The following BPTF variants were observed in gnomAD, a reference collection of about 807,000 sequenced individuals.
The protein encoded by BPTF is bromodomain PHD finger transcription factor, also known as nucleosome-remodeling factor subunit BPTF.
BPTF carries 18 observed loss-of-function variants against 292.5 expected under a neutral mutation model. The ratio of observed to expected loss-of-function variants is 0.06; its 90% confidence interval spans 0.04 to 0.09. BPTF has a LOEUF of 0.09. BPTF is among the 10% of genes least tolerant of loss of function. The pLI is 1.00. For synonymous variants in BPTF, 1,225 were observed against 1,251.9 expected (o/e 0.98, Z 0.45); for missense variants, 2,726 against 3,498.7 (o/e 0.78, Z 5.57).
chr17:67,976,697 A>ATT lies in BPTF; in HGVS notation c.8726+739_8726+740insTT, dbSNP rs369829617. 5.5e-5 allele frequency among the ~76,000 whole-genome samples: 7 copies of ATT among 128,434 alleles called. 1 individual carries two copies. Among genetic ancestry groups the ATT allele is most frequent in the East Asian group, 2.8e-4 (1 of 3,628 alleles). The allele number at this position is 128,434 out of a possible 152,430, so 84.3% of individuals were successfully genotyped here. ...TGAGACCCTGTCTCAAAAAAAAAAA[A>ATT]AAAAAAAAAAAAAAAAAATAAGAAT... On this transcript the variant is annotated intron_variant, in intron 27 of 27. Coordinates refer to ENST00000306378, the MANE Select transcript of BPTF (RefSeq NM_182641.4).
chr17:67,886,996 G>C (rs1367567293), intron 4 of BPTF, among the ~76,000 whole-genome samples: 2 of 152,098 alleles, frequency 1.3e-5, no homozygotes. Context: ...TGGCAGTATA[G>C]AAACAGTAAG....
intron 12 of BPTF, among the ~76,000 whole-genome samples, chr17:67,919,679 A>G (rs1041077727): frequency 5.3e-5 from 8 of 152,214 alleles, no homozygotes; most frequent in African/African-American, 1.9e-4. Flanking sequence ...AAAGATATTT[A>G]TGATTGTTTA....
At chr17:67,976,078 AAAAAT>A (rs1192300048) in intron 27 of BPTF, 120 bp downstream of exon 27, 15 of 733,152 alleles carry the variant, frequency 2.0e-5, no homozygotes, top group East Asian at 3.1e-5. Context: ...TCTTTAAAAA[AAAAAT>A]AAATAAATCA....
At chr17:67,873,333 C>T (rs1191327308) in intron 3 of BPTF, among the ~76,000 whole-genome samples, 2 of 151,806 alleles carry the variant, frequency 1.3e-5, no homozygotes, top group Non-Finnish European at 2.9e-5. Context: ...TGGCAGGCGC[C>T]TGTAATCCCA....
At chr17:67,917,259 A>G (rs949514835) in intron 11 of BPTF, among the ~76,000 whole-genome samples, 1 of 150,354 alleles carries the variant, frequency 6.7e-6, no homozygotes, top group African/African-American at 2.4e-5. Context: ...CAGCCTCCCA[A>G]CTAGCTGGGA....
chr17:67,902,636 G>A (rs997831095), intron 7 of BPTF, among the ~76,000 whole-genome samples: 1 of 152,140 alleles, frequency 6.6e-6, no homozygotes, highest in Admixed American at 6.5e-5. Context: ...TCAGCCTGGG[G>A]GAGACTGTAT....
intron 1 of BPTF, among the ~76,000 whole-genome samples, chr17:67,845,213 A>T (rs758715601): frequency 3.3e-5 from 5 of 152,264 alleles, no homozygotes; most frequent in Non-Finnish European, 7.3e-5. Flanking sequence ...ATCCCTGTAA[A>T]GGTATCTTTC....
At chr17:67,966,498 T>C in intron 25 of BPTF, 74 bp from the exon 26 acceptor site, 2 of 1,339,104 alleles carry the variant, frequency 1.5e-6, no homozygotes, top group South Asian at 1.2e-5. Context: ...TTCATTGATG[T>C]AGTAACTCAA....
Position 67,946,161 on chromosome 17 carries a change from C to T in BPTF, c.7453C>T (p.Gln2485Ter), listed in dbSNP as rs2065799331. Residue 2485 changes from glutamine (Q) to a stop codon, truncating the protein, a stop_gained, in exon 21 of 28, where the codon CAG becomes TAG. Transcript: ENST00000306378. LOFTEE classifies it high-confidence loss of function. ...IQQSSAVQTH[Q>*]IQNVVTVQAA... ...GCAAAGCAGTGCTGTGCAGACTCAC[C>T]AGATTCAGAATGTGGTTACAGTGCA... is the stretch of plus-strand genomic sequence containing the variant. The T allele has an allele frequency of 6.2e-7, 1 of 1,614,136 alleles. No individual in the cohort carries two copies.
intron 4 of BPTF, among the ~76,000 whole-genome samples, chr17:67,879,089 A>T (rs1349647067): frequency 1.3e-5 from 2 of 149,208 alleles, no homozygotes; most frequent in Non-Finnish European, 3.0e-5. Context: ...GCCTCATATC[A>T]TGAGTTGGTA....
In BPTF at chr17:67,929,480, A is replaced by G. The variant is rs2064180413; in HGVS notation, c.6143A>G (p.Asn2048Ser). ...TCAGGCTCTGGAGGAACCACAAGCA[A>G]TTCACAAGTAAGAATTCTTACAGAC... ...NTSGSGGTTS[N>S]SQVITGPQIR... The change falls in exon 17 of 28, where the codon AAT becomes AGT. Residue 2048 changes from asparagine to serine, a missense_variant. Physicochemically the swap from Asn to Ser is conservative, Grantham distance 46. Around this residue, in one of 22 missense-constraint regions of BPTF, gnomAD observed 570 missense variants for 633.5 expected, o/e 0.90. Coordinates refer to ENST00000306378, the MANE Select transcript of BPTF (RefSeq NM_182641.4). 1.9e-6 allele frequency: 3 copies of G among 1,613,986 alleles called. No homozygotes were observed. In the South Asian group the frequency reaches 3.3e-5, roughly 18 times the overall value.
In BPTF at chr17:67,857,716, C is replaced by T. The variant is rs558912829; in HGVS notation, c.1436+2954C>T. 4.6e-5 allele frequency among the ~76,000 whole-genome samples: 7 copies of T among 151,682 alleles called. No homozygotes were observed. In the East Asian group the frequency reaches 7.8e-4, roughly 17 times the overall value. ...TTGTGAGCTCGAGCCATCTGCCCTT[C>T]TCGGCCTCTCAAAGTGCTGGGATTA... On this transcript the variant is annotated intron_variant, in intron 2 of 27. Transcript: ENST00000306378.
chr17:67,913,217 G>A, intron 11 of BPTF, 30 bp downstream of exon 11: 2 of 1,521,034 alleles, frequency 1.3e-6, no homozygotes, highest in South Asian at 1.3e-5. Flanking sequence ...TTTGGGGGAG[G>A]GAGAAAATTT....
At chr17:67,848,171 CTT>C (rs11367624) in intron 1 of BPTF, among the ~76,000 whole-genome samples, 10 of 146,914 alleles carry the variant, frequency 6.8e-5, no homozygotes, top group Admixed American at 1.4e-4. Context: ...ACTGTAAATT[CTT>C]TTTTTTTTTT....
intron 27 of BPTF, chr17:67,981,532 A>T: frequency 1.8e-6 from 2 of 1,110,242 alleles, no homozygotes; most frequent in Non-Finnish European, 2.2e-6. Flanking sequence ...CTAATTCAAA[A>T]TTGCCCCCCA....
Position 67,912,206 on chromosome 17 carries a change from A to G in BPTF, c.4322A>G (p.Asn1441Ser), listed in dbSNP as rs1386352652. The change falls in exon 11 of 28, where the codon AAT (asparagine) becomes AGT (serine). Residue 1441 changes from asparagine (N) to serine (S), a missense_variant. Physicochemically the swap from Asn to Ser is conservative, Grantham distance 46 (BLOSUM62 1). This residue lies in a region of BPTF where 713 missense variants were observed against 714.9 expected (regional missense o/e 1.00). Transcript: ENST00000306378. ...AGTGGTAATGTTGAACCAAAGGTTA[A>G]TAATATAAATAAAATAATCCCTGAG... Reference protein sequence around the residue: ...VVSGNVEPKVNNINKIIPEND... With the variant: ...VVSGNVEPKVSNINKIIPEND... 8 of 1,608,618 alleles carry G rather than the reference A, an allele frequency of 5.0e-6. No homozygotes were observed. Among genetic ancestry groups the G allele is most frequent in the Non-Finnish European group, 6.8e-6 (8 of 1,177,316 alleles).
intron 1 of BPTF, among the ~76,000 whole-genome samples, chr17:67,847,214 A>T (rs893324406): frequency 1.3e-5 from 2 of 152,114 alleles, no homozygotes; most frequent in African/African-American, 2.4e-5. Flanking sequence ...AATGTCTGGC[A>T]AATAGAAAGC....
intron 1 of BPTF, among the ~76,000 whole-genome samples, chr17:67,849,532 G>A (rs1381844428): frequency 1.3e-5 from 2 of 152,164 alleles, no homozygotes; most frequent in Non-Finnish European, 2.9e-5. Flanking sequence ...TTCATCTAAT[G>A]TGTATTAATT....
At chr17:67,896,783 T>G (rs950201092) in intron 7 of BPTF, among the ~76,000 whole-genome samples, 5 of 152,162 alleles carry the variant, frequency 3.3e-5, no homozygotes, top group Non-Finnish European at 7.3e-5. Flanking sequence ...ACATTGAAAT[T>G]TGTCACATGC....
Sources: allele counts gnomAD v4.1 joint callset (sites outside exome capture counted in the v4.1 genomes callset), GRCh38; gene constraint gnomAD v4.1.1; regional missense constraint gnomAD v4.1.1; transcripts MANE v1.5; gene names NCBI Gene and HGNC (gene_info 2026-07-23, HGNC 2026-07-21).